Variants in HECW1 observed in about 807,000 individuals in gnomAD.
The protein encoded by HECW1 is HECT, C2 and WW domain containing E3 ubiquitin protein ligase 1, also known as E3 ubiquitin-protein ligase HECW1.
In HECW1, 61 loss-of-function variants were observed where a neutral mutation model predicts 182.3. The ratio of observed to expected loss-of-function variants is 0.33; its 90% CI spans 0.27 to 0.41. HECW1 has a LOEUF of 0.41. Among genes scored for constraint, HECW1 ranks in the 10% least tolerant of loss-of-function variants. HECW1 has a pLI of 1.00. For missense variants in HECW1, 1,739 were observed against 2,108.9 expected (o/e 0.82, Z 3.44); for synonymous variants, 859 against 832.6 (o/e 1.03, Z -0.55).
chr7:43,560,075 T>C (rs1175972429), intron 29 of HECW1, among the ~76,000 whole-genome samples: 1 of 152,202 alleles, frequency 6.6e-6, no homozygotes, highest in Non-Finnish European at 1.5e-5. Context: ...ACTATGAAGA[T>C]GATGCCTGCT....
chr7:43,538,006 GAGTGGTCCTTGCTGCAA>G (rs1563103065), intron 24 of HECW1, among the ~76,000 whole-genome samples: 1 of 152,206 alleles, frequency 6.6e-6, no homozygotes, highest in African/African-American at 2.4e-5. Context: ...CGCTGGTTGA[GAGTGGTCCTTGCTGCAA>G]AGTGGTCCTT....
chr7:43,401,602 A>C (rs1040502299), intron 7 of HECW1, among the ~76,000 whole-genome samples: 5 of 136,612 alleles, frequency 3.7e-5, no homozygotes, highest in Non-Finnish European at 7.8e-5. Context: ...AAATATAGCC[A>C]CAGTAGACAT....
Position 43,271,062 on chromosome 7 carries a change from A to C in HECW1, c.27+27130A>C, listed in dbSNP as rs75197290. Among the ~76,000 whole-genome samples the C allele has an allele frequency of 9.6e-3, 1,456 of 152,324 alleles. 31 individuals carry two copies. Among genetic ancestry groups the C allele is most frequent in the African/African-American group, 0.033 (1,374 of 41,574 alleles). ...TAATATACAGGTTTAATGCAAATCT[A>C]AAAATGTCAAGGAGATAGATTTATA... On this transcript the variant is annotated intron_variant, in intron 3 of 29. Coordinates refer to ENST00000395891, the MANE Select transcript of HECW1 (RefSeq NM_015052.5).
chr7:43,226,856 G>C (rs536428977), intron 2 of HECW1, among the ~76,000 whole-genome samples: 2 of 152,354 alleles, frequency 1.3e-5, no homozygotes, highest in East Asian at 3.9e-4. Context: ...GGTCAGGGCA[G>C]CCTGCAGAGG....
At chr7:43,145,820 G>A (rs1343663360) in intron 2 of HECW1, among the ~76,000 whole-genome samples, 1 of 152,072 alleles carries the variant, frequency 6.6e-6, no homozygotes, top group Non-Finnish European at 1.5e-5. Context: ...TCTTCTGTGT[G>A]TCACCTCCAG....
chr7:43,399,574 A>T (rs1584769784), intron 7 of HECW1, among the ~76,000 whole-genome samples: 1 of 152,344 alleles, frequency 6.6e-6, no homozygotes, highest in East Asian at 1.9e-4. Flanking sequence ...TGAGCAGGGC[A>T]GGACTGGGGA....
chr7:43,324,400 AT>A (rs1394794477), intron 5 of HECW1, among the ~76,000 whole-genome samples: 1 of 152,232 alleles, frequency 6.6e-6, no homozygotes, highest in Non-Finnish European at 1.5e-5. Context: ...ATGCATTAAA[AT>A]TGTATATAAG....
intron 3 of HECW1, among the ~76,000 whole-genome samples, chr7:43,276,554 T>C (rs912652226): frequency 2.0e-5 from 3 of 152,260 alleles, no homozygotes; most frequent in Non-Finnish European, 2.9e-5. Flanking sequence ...TCCTGTGTCA[T>C]GTGGAATTCC....
At chr7:43,338,836 A>G (rs1400224926) in intron 5 of HECW1, among the ~76,000 whole-genome samples, 1 of 152,008 alleles carries the variant, frequency 6.6e-6, no homozygotes, top group African/African-American at 2.4e-5. Flanking sequence ...AAAAAAAAAA[A>G]GAGTTCCCTT....
chr7:43,119,648 C>T (rs76583755), intron 2 of HECW1, among the ~76,000 whole-genome samples: 1,832 of 152,216 alleles, frequency 0.012, 37 homozygotes, highest in African/African-American at 0.042. Context: ...TTGAATGGCA[C>T]GTTAGCTTAA....
At chr7:43,378,497 G>T (rs190359311) in intron 6 of HECW1, among the ~76,000 whole-genome samples, 13 of 152,300 alleles carry the variant, frequency 8.5e-5, no homozygotes, top group Admixed American at 5.2e-4. Flanking sequence ...TCCCAAATAC[G>T]CATGGTTAAA....
At chr7:43,442,407 G>A (rs2152875946) in intron 9 of HECW1, 122 bp from the exon 10 acceptor site, 2 of 660,054 alleles carry the variant, frequency 3.0e-6, no homozygotes, top group South Asian at 3.4e-5. Context: ...TTGTATTGCT[G>A]TTGAGCACAT....
At chr7:43,129,077 A>G (rs896531981) in intron 2 of HECW1, among the ~76,000 whole-genome samples, 7 of 152,260 alleles carry the variant, frequency 4.6e-5, no homozygotes, top group African/African-American at 1.7e-4. Context: ...TGTTGAAATG[A>G]CAACGAAGGA....
At chr7:43,303,837 C>T (rs547367897) in intron 3 of HECW1, among the ~76,000 whole-genome samples, 75 of 152,176 alleles carry the variant, frequency 4.9e-4, no homozygotes, top group African/African-American at 1.6e-3. Context: ...CCCCTACACC[C>T]GCCCCTGTCC....
Position 43,274,348 on chromosome 7 carries a change from T to G in HECW1, c.27+30416T>G, listed in dbSNP as rs1802814869. 3 of 717,288 alleles carry G rather than the reference T, an allele frequency of 4.2e-6. No homozygotes were observed. In the African/African-American group the frequency reaches 5.3e-5, roughly 13 times the overall value. 44.4% of individuals were successfully genotyped at this position (717,288 alleles called of 1,614,324 possible). A position where few individuals can be genotyped will look rare whatever the true frequency, so the allele number is the denominator to read the frequency against. ...GATGACTTCAGGCTGGATTGTCTACTGTGGACAGGTGTTTGAGAAGGTCCC... is the reference window on the plus strand; with the variant it reads ...GATGACTTCAGGCTGGATTGTCTACGGTGGACAGGTGTTTGAGAAGGTCCC... On this transcript the variant is annotated intron_variant, in intron 3 of 29. Coordinates refer to ENST00000395891, the MANE Select transcript of HECW1 (RefSeq NM_015052.5).
intron 3 of HECW1, among the ~76,000 whole-genome samples, chr7:43,262,402 TTGA>T (rs989287150): frequency 7.9e-5 from 12 of 152,118 alleles, no homozygotes; most frequent in African/African-American, 2.9e-4. Flanking sequence ...TTACAAGGTA[TTGA>T]TGATATTATT....
chr7:43,394,922 G>A (rs942983426), intron 6 of HECW1, among the ~76,000 whole-genome samples: 1 of 152,160 alleles, frequency 6.6e-6, no homozygotes, highest in Non-Finnish European at 1.5e-5. Flanking sequence ...TGGGTTGGAG[G>A]GGGTGGAAGC....
chr7:43,279,479 T>C (rs1453719937), intron 3 of HECW1, among the ~76,000 whole-genome samples: 1 of 152,166 alleles, frequency 6.6e-6, no homozygotes, highest in African/African-American at 2.4e-5. Context: ...CTGCCTCATC[T>C]AGAGCCTAAC....
chr7:43,502,263 GTTTTC>G (rs1307716841), intron 21 of HECW1, among the ~76,000 whole-genome samples: 2 of 152,114 alleles, frequency 1.3e-5, no homozygotes, highest in Non-Finnish European at 2.9e-5. Context: ...TATTCCTCCT[GTTTTC>G]TTTATGTATG....
Sources: gnomAD v4.1 joint callset for allele counts (sites outside exome capture counted in the v4.1 genomes callset) on GRCh38, gnomAD v4.1.1 for gene constraint, MANE v1.5 for transcripts, NCBI Gene and HGNC (gene_info 2026-07-23, HGNC 2026-07-21) for gene names.